The following IL1RAPL2 variants were observed in gnomAD, a reference collection of about 807,000 sequenced individuals.
The protein encoded by IL1RAPL2 is X-linked interleukin-1 receptor accessory protein-like 2.
In IL1RAPL2, 3 loss-of-function variants were observed where a neutral mutation model predicts 44.1. The ratio of observed to expected loss-of-function variants is 0.07; its 90% CI spans 0.03 to 0.18. The LOEUF (loss-of-function observed/expected upper bound fraction) is 0.18, where lower values mean the gene tolerates loss of function less well. Ranked by LOEUF, IL1RAPL2 falls within the 10% of genes least tolerant of loss-of-function variation. The pLI, the probability that IL1RAPL2 is intolerant of heterozygous loss-of-function variation, is 1.00. For synonymous variants in IL1RAPL2, 181 were observed against 178.8 expected (o/e 1.01, Z -0.10); for missense variants, 391 against 496.4 (o/e 0.79, Z 2.02).
At chrX:105,363,613 A>T (rs1404595441) in intron 5 of IL1RAPL2, among the ~76,000 whole-genome samples, 1 of 109,475 alleles carries the variant, frequency 9.1e-6, no homozygotes, top group Non-Finnish European at 1.9e-5. Flanking sequence ...ACTTGTTAGC[A>T]TTCATCTTTT....
rs183539591 is a variant in IL1RAPL2, at chrX:104,746,152, T to G, written c.82+87157T>G. Among the ~76,000 whole-genome samples, 31 of 111,846 alleles carry G rather than the reference T, an allele frequency of 2.8e-4. No individual in the cohort carries two copies. In the Admixed American group the frequency reaches 3.0e-3, roughly 11 times the overall value. On this transcript the variant is annotated intron_variant, in intron 2 of 10. Coordinates refer to ENST00000372582, the MANE Select transcript of IL1RAPL2 (RefSeq NM_017416.2). ...ACTGTGCCGGACACATTACATACATTCTTTTAGTTCATTCTCTTAACAACT... is the reference window on the plus strand; with the variant it reads ...ACTGTGCCGGACACATTACATACATGCTTTTAGTTCATTCTCTTAACAACT...
At chrX:105,031,993 GA>G (rs1472112415) in intron 2 of IL1RAPL2, among the ~76,000 whole-genome samples, 59 of 111,447 alleles carry the variant, frequency 5.3e-4, no homozygotes, top group African/African-American at 1.9e-3. Context: ...ATTTCTTCGA[GA>G]TTTTCTAGTT....
At chrX:105,426,940 A>G (rs1414291942) in intron 5 of IL1RAPL2, among the ~76,000 whole-genome samples, 6 of 112,582 alleles carry the variant, frequency 5.3e-5, no homozygotes, top group Non-Finnish European at 9.4e-5. Context: ...TGAATAATTT[A>G]TTTTGAAAGG....
intron 2 of IL1RAPL2, among the ~76,000 whole-genome samples, chrX:105,010,321 A>T (rs1231101820): frequency 9.0e-6 from 1 of 111,091 alleles, no homozygotes; most frequent in African/African-American, 3.3e-5. Flanking sequence ...TCATTTTGGG[A>T]TGGACTCTGA....
intron 2 of IL1RAPL2, among the ~76,000 whole-genome samples, chrX:105,019,749 G>C (rs2031251644): frequency 9.0e-6 from 1 of 111,386 alleles, no homozygotes; most frequent in African/African-American, 3.3e-5. Flanking sequence ...GAACTCAACT[G>C]TTCATTTTTA....
intron 1 of IL1RAPL2, among the ~76,000 whole-genome samples, chrX:104,623,991 C>A (rs1438293241): frequency 8.9e-6 from 1 of 111,845 alleles, no homozygotes; most frequent in African/African-American, 3.2e-5. Context: ...CTTGAGTATA[C>A]TTTGTAAGTG....
intron 5 of IL1RAPL2, among the ~76,000 whole-genome samples, chrX:105,415,018 G>A (rs1215225484): frequency 8.9e-6 from 1 of 112,089 alleles, no homozygotes; most frequent in Non-Finnish European, 1.9e-5. Flanking sequence ...AGATAAGGGG[G>A]AGGAAGAAGG....
intron 6 of IL1RAPL2, among the ~76,000 whole-genome samples, chrX:105,513,476 T>C (rs2036487293): frequency 8.9e-6 from 1 of 111,931 alleles, no homozygotes. Flanking sequence ...TGGCGTGAGA[T>C]GGTACCTCAT....
intron 6 of IL1RAPL2, among the ~76,000 whole-genome samples, chrX:105,671,732 T>A (rs1336653744): frequency 1.8e-5 from 2 of 112,058 alleles, no homozygotes; most frequent in East Asian, 5.6e-4. Context: ...TTAGGCATTA[T>A]TTATTTGAGT....
At chrX:105,237,676 T>C (rs908093938) in intron 4 of IL1RAPL2, among the ~76,000 whole-genome samples, 3 of 111,904 alleles carry the variant, frequency 2.7e-5, no homozygotes, top group Non-Finnish European at 3.8e-5. Context: ...CTTCGCCCAC[T>C]TGTTGATGGG....
chrX:104,618,705 C>T (rs1482455425), intron 1 of IL1RAPL2, among the ~76,000 whole-genome samples: 3 of 111,196 alleles, frequency 2.7e-5, no homozygotes, highest in East Asian at 2.8e-4. Flanking sequence ...CCCTTCTGTA[C>T]CAGGTTCTCT....
At chrX:104,941,496 G>GTCT (rs1344387859) in intron 2 of IL1RAPL2, among the ~76,000 whole-genome samples, 3 of 111,353 alleles carry the variant, frequency 2.7e-5, no homozygotes, top group Non-Finnish European at 5.7e-5. Context: ...CTGCATAAAT[G>GTCT]TCTTTTGAGA....
At chrX:104,952,538 ATGT>A (rs1925611944) in intron 2 of IL1RAPL2, among the ~76,000 whole-genome samples, 2 of 112,189 alleles carry the variant, frequency 1.8e-5, no homozygotes, top group Non-Finnish European at 3.8e-5. Flanking sequence ...ACACAAAATA[ATGT>A]TGTTATCTTA....
chrX:105,767,737 A>G lies in IL1RAPL2; in HGVS notation c.*76A>G. ...TTATACCAAGCATAAAGTACACCTA[A>G]TAACGTTGTGTTAAAAAAGTGTTTG... On this transcript the variant is annotated 3_prime_UTR_variant, in exon 11 of 11. Transcript: ENST00000372582. 4 of 728,188 alleles carry G rather than the reference A, an allele frequency of 5.5e-6. No individual in the cohort carries two copies. Among genetic ancestry groups the G allele is most frequent in the Non-Finnish European group, 8.2e-6 (4 of 488,607 alleles). 60.0% of individuals were successfully genotyped at this position (728,188 alleles called of 1,213,427 possible). A position where few individuals can be genotyped will look rare whatever the true frequency, so the allele number is the denominator to read the frequency against.
intron 2 of IL1RAPL2, among the ~76,000 whole-genome samples, chrX:104,793,051 T>G (rs764856266): frequency 8.9e-6 from 1 of 112,381 alleles, no homozygotes; most frequent in African/African-American, 3.2e-5. Flanking sequence ...TTGGAGGTTA[T>G]ATTTTACACT....
At chrX:105,005,634 A>G (rs182512397) in intron 2 of IL1RAPL2, among the ~76,000 whole-genome samples, 311 of 110,469 alleles carry the variant, frequency 2.8e-3, no homozygotes, top group African/African-American at 8.9e-3. Flanking sequence ...TTATAGGCCT[A>G]CTAGTTCCCT....
intron 2 of IL1RAPL2, among the ~76,000 whole-genome samples, chrX:104,989,135 T>C (rs1557525): frequency 0.055 from 6,121 of 111,513 alleles, 447 homozygotes; most frequent in African/African-American, 0.19. Context: ...CTTTCGCTCA[T>C]TCCTTTGTGG....
intron 5 of IL1RAPL2, among the ~76,000 whole-genome samples, chrX:105,449,499 G>A (rs927842344): frequency 9.1e-6 from 1 of 110,233 alleles, no homozygotes; most frequent in African/African-American, 3.3e-5. Context: ...CAGGAGAATG[G>A]CGTGAACCCG....
At chrX:105,242,593 CTG>C (rs1479016054) in intron 4 of IL1RAPL2, among the ~76,000 whole-genome samples, 1 of 111,664 alleles carries the variant, frequency 9.0e-6, no homozygotes, top group African/African-American at 3.3e-5. Context: ...AAAGGGACAA[CTG>C]TTAGGTGGAA....
Sources: allele counts gnomAD v4.1 joint callset (sites outside exome capture counted in the v4.1 genomes callset), GRCh38; gene constraint gnomAD v4.1.1; transcripts MANE v1.5; gene names NCBI Gene and HGNC (gene_info 2026-07-23, HGNC 2026-07-21).